The following IKZF2 variants were observed in gnomAD, a reference collection of about 807,000 sequenced individuals.
IKZF2 encodes the protein IKAROS family zinc finger 2, also known as zinc finger protein Helios.
In IKZF2, 15 loss-of-function variants were observed where a neutral mutation model predicts 49.2. That is an observed-to-expected ratio of 0.30 (90% CI 0.20 to 0.47). The LOEUF (loss-of-function observed/expected upper bound fraction) is 0.47, where lower values mean the gene tolerates loss of function less well. Ranked by LOEUF, IKZF2 falls within the 20% of genes least tolerant of loss-of-function variation. The pLI, the probability that IKZF2 is intolerant of heterozygous loss-of-function variation, is 1.00. For synonymous variants in IKZF2, 227 were observed against 221.4 expected, an observed-to-expected ratio of 1.03 and a Z score of -0.23; for missense variants, 567 against 664.6, an observed-to-expected ratio of 0.85 and a Z score of 1.61.
At chr2:213,150,455 C>CCT (rs2061243070) in intron 1 of IKZF2, 4 of 186,222 alleles carry the variant, frequency 2.1e-5, no homozygotes, top group South Asian at 7.3e-5. Context: ...AAGAACACCC[C>CCT]CCTCCTCCTC....
intron 4 of IKZF2, among the ~76,000 whole-genome samples, chr2:213,144,616 A>G (rs2060981460): frequency 6.6e-6 from 1 of 151,910 alleles, no homozygotes; most frequent in Non-Finnish European, 1.5e-5. Context: ...CCCAGATTCT[A>G]TTTTTAAAAA....
At chr2:213,024,725 C>G (rs1697623745) in intron 6 of IKZF2, among the ~76,000 whole-genome samples, 1 of 152,062 alleles carries the variant, frequency 6.6e-6, no homozygotes, top group Non-Finnish European at 1.5e-5. Context: ...CTTACTACTC[C>G]TTTGAAAATT....
At chr2:213,023,112 C>T (rs1400891906) in intron 6 of IKZF2, among the ~76,000 whole-genome samples, 2 of 152,070 alleles carry the variant, frequency 1.3e-5, no homozygotes, top group African/African-American at 2.4e-5. Context: ...AGTAAAGCAC[C>T]GTGTGATCCA....
At chr2:213,016,261 A>G (rs1696582613) in intron 7 of IKZF2, among the ~76,000 whole-genome samples, 1 of 152,136 alleles carries the variant, frequency 6.6e-6, no homozygotes, top group Middle Eastern at 3.2e-3. Flanking sequence ...GAGAACAGAA[A>G]GACCCAGAGA....
At chr2:213,066,107 A>G (rs1574698098) in intron 4 of IKZF2, among the ~76,000 whole-genome samples, 1 of 152,220 alleles carries the variant, frequency 6.6e-6, no homozygotes, top group South Asian at 2.1e-4. Flanking sequence ...AGCAAATTAC[A>G]TTGTGAAATT....
rs2061131414 is a variant in IKZF2 at position 213,147,788 on chromosome 2, C to G, written c.59G>C (p.Arg20Thr). The change falls in exon 4 of 9, where the codon AGG (arginine) becomes ACG (threonine). Residue 20 changes from arginine to threonine, a missense_variant. Transcript: ENST00000434687. ...GTCAATTGCCATATTGGAGTGCTCC[C>G]TTTCGGGTGAAAGCTCATTGTCACC... ...ITCDNELSPE[R>T]EHSNMAIDLT... The G allele has an allele frequency of 6.2e-7, 1 of 1,613,600 alleles. No homozygotes were observed.
chr2:213,036,870 A>G (rs949512431), intron 6 of IKZF2, among the ~76,000 whole-genome samples: 1 of 152,188 alleles, frequency 6.6e-6, no homozygotes, highest in African/African-American at 2.4e-5. Flanking sequence ...TGACTCACAT[A>G]CACAGATCAA....
At chr2:213,020,298 A>T (rs1697066180) in intron 7 of IKZF2, among the ~76,000 whole-genome samples, 1 of 152,230 alleles carries the variant, frequency 6.6e-6, no homozygotes, top group African/African-American at 2.4e-5. Context: ...TTTATAGGGA[A>T]TAGCACATTT....
intron 7 of IKZF2, 165 bp from the exon 8 acceptor site, chr2:213,014,099 A>G: frequency 1.8e-6 from 1 of 561,572 alleles, no homozygotes; most frequent in South Asian, 2.4e-5. Context: ...TTAAATTTGC[A>G]CACACACATA....
intron 4 of IKZF2, among the ~76,000 whole-genome samples, chr2:213,113,902 T>A (rs1258545272): frequency 1.3e-5 from 2 of 152,182 alleles, no homozygotes; most frequent in Non-Finnish European, 2.9e-5. Context: ...ATTTTTATAC[T>A]CATCACAAGG....
At chr2:213,098,236 G>C (rs555323135) in intron 4 of IKZF2, among the ~76,000 whole-genome samples, 2 of 152,132 alleles carry the variant, frequency 1.3e-5, no homozygotes, top group East Asian at 3.9e-4. Context: ...CCAAAGTTGA[G>C]AACCACCATT....
intron 6 of IKZF2, 21 bp downstream of exon 6, chr2:213,049,692 C>T: frequency 4.0e-6 from 6 of 1,513,008 alleles, no homozygotes; most frequent in Non-Finnish European, 4.4e-6. Flanking sequence ...CTTTTCTTCT[C>T]AAGGAGTTGG....
chr2:213,067,784 A>G (rs1300476629), intron 4 of IKZF2, among the ~76,000 whole-genome samples: 2 of 152,084 alleles, frequency 1.3e-5, no homozygotes, highest in Non-Finnish European at 2.9e-5. Context: ...TTTTATATAT[A>G]TAAGCAACTA....
intron 4 of IKZF2, among the ~76,000 whole-genome samples, chr2:213,068,672 T>A (rs1702382716): frequency 6.6e-6 from 1 of 152,114 alleles, no homozygotes; most frequent in Non-Finnish European, 1.5e-5. Flanking sequence ...CGTCTGGGCA[T>A]GCCTAATTCT....
intron 6 of IKZF2, among the ~76,000 whole-genome samples, chr2:213,032,321 A>G (rs957562537): frequency 2.0e-5 from 3 of 152,198 alleles, no homozygotes; most frequent in African/African-American, 7.2e-5. Flanking sequence ...TATCCTGATA[A>G]AGTGGGTCAC....
intron 4 of IKZF2, among the ~76,000 whole-genome samples, chr2:213,108,803 TA>T (rs572873957): frequency 4.6e-4 from 69 of 150,812 alleles, no homozygotes; most frequent in African/African-American, 1.3e-3. Context: ...ATGCTTATTG[TA>T]AAAAAAAATG....
chr2:213,150,265 G>A lies in IKZF2; in HGVS notation c.-119-18C>T, dbSNP rs577722397. ...ATGTCGGGCTGAAGATAAACGGAGGGAGAAAGAAAGAAGTTTTTTGTGTTT... is the reference window on the plus strand; with the variant it reads ...ATGTCGGGCTGAAGATAAACGGAGGAAGAAAGAAAGAAGTTTTTTGTGTTT... On this transcript the variant is annotated intron_variant, in intron 1 of 8. Transcript: ENST00000434687. 7 of 1,014,064 alleles carry A rather than the reference G, an allele frequency of 6.9e-6. No individual in the cohort carries two copies. In the African/African-American group the frequency reaches 1.2e-4, roughly 17 times the overall value. 62.8% of individuals were successfully genotyped at this position (1,014,064 alleles called of 1,614,324 possible).
intron 5 of IKZF2, 81 bp from the exon 6 acceptor site, chr2:213,049,961 C>T (rs541706322): frequency 3.1e-5 from 31 of 991,786 alleles, no homozygotes; most frequent in East Asian, 8.6e-5. Context: ...TAACCAAAGC[C>T]AGTTCTCTAT....
chr2:213,038,582 T>C (rs1295076874), intron 6 of IKZF2, among the ~76,000 whole-genome samples: 2 of 128,412 alleles, frequency 1.6e-5, no homozygotes, highest in Non-Finnish European at 3.3e-5. Context: ...TGGAAGTCAT[T>C]ACAAAAAAAA....
Sources: gnomAD v4.1 joint callset for allele counts (sites outside exome capture counted in the v4.1 genomes callset) on GRCh38, gnomAD v4.1.1 for gene constraint, MANE v1.5 for transcripts, NCBI Gene and HGNC (gene_info 2026-07-23, HGNC 2026-07-21) for gene names.